PIGS: variants seen among roughly 807,000 people sequenced by gnomAD.
PIGS encodes the protein phosphatidylinositol glycan anchor biosynthesis class S.
In PIGS, 37 loss-of-function variants were observed where a neutral mutation model predicts 58.2. The observed-to-expected ratio is 0.64, with a 90% CI of 0.49 to 0.84. The LOEUF is 0.84. Among genes scored for constraint, PIGS ranks in the 40% least tolerant of loss-of-function variants. PIGS has a pLI of 0.00. For synonymous variants in PIGS, 269 were observed against 289.2 expected (o/e 0.93, Z 0.71); for missense variants, 629 against 710.8 (o/e 0.88, Z 1.31).
At position 28,556,863 on chromosome 17, in the gene PIGS, G is replaced by T. The variant is rs747526728; in HGVS notation, c.1044C>A (p.Thr348=). ...CCCAGCGGGGACTATGGAAGGCATT[G>T]GTGGCCACTGGAGCGCCATCCTTGT... ...IQDKDGAPVA[T]NAFHSPRWGG... Residue 348 remains threonine (T), a synonymous_variant, in exon 9 of 12, where the codon ACC becomes ACA. Coordinates refer to ENST00000308360, the MANE Select transcript of PIGS (RefSeq NM_033198.4). The T allele has an allele frequency of 5.0e-6, 8 of 1,614,146 alleles. No homozygotes were observed. The Admixed American group carries it at 1.3e-4, about 27-fold the overall frequency.
intron 3 of PIGS, among the ~76,000 whole-genome samples, chr17:28,569,324 G>C (rs949411418): frequency 8.6e-5 from 13 of 151,602 alleles, no homozygotes; most frequent in African/African-American, 3.2e-4. Context: ...AAACAAATCA[G>C]CTGGGTGTGA....
chr17:28,564,007 G>A (rs2151513662), intron 3 of PIGS, 100 bp from the exon 4 acceptor site: 1 of 1,015,498 alleles, frequency 9.8e-7, no homozygotes, highest in Non-Finnish European at 1.5e-6. Context: ...ACAGCAAGAT[G>A]GCTGTTTACA....
rs371988281 is a variant in PIGS, at chr17:28,553,639, G to GACACACACAC, written c.*571_*580dup. 0.038 allele frequency: 5,452 copies of GACACACACAC among 144,488 alleles called. 213 individuals are homozygous for GACACACACAC. Among genetic ancestry groups the GACACACACAC allele is most frequent in the African/African-American group, 0.09 (3,442 of 38,448 alleles). The allele number at this position is 144,488 out of a possible 1,614,324, so 9.0% of individuals were successfully genotyped here. ...AAATCTGGAACTTTCTGGAACCTCT[G>GACACACACAC]ACACACACACACACACACACACACA... On this transcript the variant is annotated 3_prime_UTR_variant, in exon 12 of 12. Coordinates refer to ENST00000308360, the MANE Select transcript of PIGS (RefSeq NM_033198.4).
At chr17:28,564,031 C>T in intron 3 of PIGS, 124 bp from the exon 4 acceptor site, 1 of 749,826 alleles carries the variant, frequency 1.3e-6, no homozygotes, top group Non-Finnish European at 2.2e-6. Flanking sequence ...AAAGACCAAG[C>T]AGCTGCAGCC....
At chr17:28,557,405 T>C (rs1002889512) in intron 8 of PIGS, 2 of 173,144 alleles carry the variant, frequency 1.2e-5, no homozygotes, top group Non-Finnish European at 2.4e-5. Flanking sequence ...GGCTCCTGCC[T>C]GCCTAACCGG....
chr17:28,564,187 C>CA (rs2070381974), intron 3 of PIGS, among the ~76,000 whole-genome samples: 1 of 152,230 alleles, frequency 6.6e-6, no homozygotes, highest in Non-Finnish European at 1.5e-5. Flanking sequence ...ATAGTCATTA[C>CA]ATTAATAGGC....
chr17:28,562,139 T>C (rs1330414101), intron 5 of PIGS, among the ~76,000 whole-genome samples: 1 of 152,164 alleles, frequency 6.6e-6, no homozygotes, highest in Non-Finnish European at 1.5e-5. Context: ...CTCTGCCACA[T>C]GAAGGGAATA....
At chr17:28,555,147 G>T in intron 10 of PIGS, 86 bp from the exon 11 acceptor site, 2 of 1,293,102 alleles carry the variant, frequency 1.5e-6, no homozygotes, top group Non-Finnish European at 1.1e-6. Context: ...TCTGTCCTGA[G>T]CCAGTGATTT....
Position 28,554,366 on chromosome 17 carries a change from G to A in PIGS, c.1522C>T (p.Leu508Phe). Residue 508 changes from leucine (L) to phenylalanine (F), a missense_variant, in exon 12 of 12, where the codon CTC becomes TTC. Transcript: ENST00000308360. The stretch of plus-strand genomic sequence containing the variant: ...TCATCAGGGAAATAAAGGAGGTGGA[G>A]GAGTGACGGGTCAAAGAAGGCAAGC... ...SELAFFDPSL[L>F]HLLYFPDDQK... 6.2e-7 allele frequency: 1 copy of A among 1,614,204 alleles called. No homozygotes were observed. Among genetic ancestry groups the A allele is most frequent in the Non-Finnish European group, 8.5e-7 (1 of 1,180,036 alleles).
In PIGS at chr17:28,555,076, G is replaced by C; in HGVS notation, c.1182-15C>G. The C allele has an allele frequency of 1.2e-6, 2 of 1,603,898 alleles. No individual in the cohort carries two copies. Among genetic ancestry groups the C allele is most frequent in the Non-Finnish European group, 1.7e-6 (2 of 1,173,624 alleles). On this transcript the variant is annotated splice_polypyrimidine_tract_variant and intron_variant, in intron 10 of 11. Coordinates refer to ENST00000308360, the MANE Select transcript of PIGS (RefSeq NM_033198.4). ...CAAAGAGCAACCTGTAGGAACATCG[G>C]AGTAAGATCAAGGTGGCTGAGACCA...
At chr17:28,564,129 C>T (rs1947036917) in intron 3 of PIGS, among the ~76,000 whole-genome samples, 1 of 152,240 alleles carries the variant, frequency 6.6e-6, no homozygotes, top group Non-Finnish European at 1.5e-5. Flanking sequence ...CCTCTGCACA[C>T]ACTGGTCCTT....
chr17:28,561,656 G>C (rs2070365545), intron 5 of PIGS, 27 bp from the exon 6 acceptor site: 1 of 1,590,194 alleles, frequency 6.3e-7, no homozygotes, highest in Non-Finnish European at 8.6e-7. Context: ...GAGACAGAAT[G>C]CCCATGGCTC....
chr17:28,561,501 C>G lies in PIGS; in HGVS notation c.597G>C (p.Val199=). ...GGTGGTCAGCCAGAGCAGCAGCAAG[C>G]ACATCCTCAGTCAAAGACATGGCCT... ...VAQAMSLTED[V]LAAALADHLP... The change falls in exon 6 of 12, where the codon GTG becomes GTC. Residue 199 remains valine (V), a synonymous_variant. Coordinates refer to ENST00000308360, the MANE Select transcript of PIGS (RefSeq NM_033198.4). 1 of 1,614,124 alleles carries G rather than the reference C, an allele frequency of 6.2e-7. No homozygotes were observed.
At position 28,570,838 on chromosome 17, in the gene PIGS, C is replaced by T; in HGVS notation, c.286+14G>A. On this transcript the variant is annotated intron_variant, in intron 3 of 11. Transcript: ENST00000308360. ...CTCAGAGGCGAAAAGCAGCCCTGAT[C>T]CCCAGTAACTCACATTTCAGAGGAA... is the stretch of plus-strand genomic sequence containing the variant. The T allele has an allele frequency of 6.2e-7, 1 of 1,613,788 alleles. No individual in the cohort carries two copies. The highest frequency in any genetic ancestry group is 8.5e-7 in the Non-Finnish European group (1 of 1,179,670).
At chr17:28,560,945 C>T (rs550506432) in intron 6 of PIGS, among the ~76,000 whole-genome samples, 1 of 151,868 alleles carries the variant, frequency 6.6e-6, no homozygotes, top group African/African-American at 2.4e-5. Flanking sequence ...CAGAGCAAGA[C>T]TCTGTCTCAA....
chr17:28,562,848 G>A (rs1281264585), intron 5 of PIGS, among the ~76,000 whole-genome samples: 1 of 151,826 alleles, frequency 6.6e-6, no homozygotes, highest in Non-Finnish European at 1.5e-5. Context: ...AAGTAACAGG[G>A]ACTACCACAT....
Position 28,563,425 on chromosome 17 carries a change from C to A in PIGS, c.468+6G>T. On this transcript the variant is annotated splice_donor_region_variant and intron_variant, in intron 5 of 11. Coordinates refer to ENST00000308360, the MANE Select transcript of PIGS (RefSeq NM_033198.4). ...AGGCAAAGTCGCAGCCTCTCTGTTA[C>A]CTTACCTGGGGAAGAAGTGAGGAGT... is the stretch of plus-strand genomic sequence containing the variant. 1 of 1,613,182 alleles carries A rather than the reference C, an allele frequency of 6.2e-7. No homozygotes were observed. Among genetic ancestry groups the A allele is most frequent in the Non-Finnish European group, 8.5e-7 (1 of 1,179,106 alleles).
At chr17:28,570,663 G>T (rs1437415186) in intron 3 of PIGS, among the ~76,000 whole-genome samples, 189 bp downstream of exon 3, 1 of 152,152 alleles carries the variant, frequency 6.6e-6, no homozygotes, top group East Asian at 1.9e-4. Flanking sequence ...CCTGTCTTAC[G>T]AGTAAAATTG....
chr17:28,571,512 C>T lies in PIGS; in HGVS notation c.-16G>A, dbSNP rs1480641042. 6.3e-7 allele frequency: 1 copy of T among 1,599,618 alleles called. No homozygotes were observed. The highest frequency in any genetic ancestry group is 1.7e-5 in the Admixed American group (1 of 58,408). On this transcript the variant is annotated 5_prime_UTR_variant, in exon 1 of 12. Transcript: ENST00000308360. ...CGGCCGCCATGCTAGCTTCCGGCTG[C>T]TCCGGCCACCGTGGGGGCAGAGCTT... is the stretch of plus-strand genomic sequence containing the variant.
Sources: allele counts gnomAD v4.1 joint callset (sites outside exome capture counted in the v4.1 genomes callset), GRCh38; gene constraint gnomAD v4.1.1; transcripts MANE v1.5; gene names NCBI Gene and HGNC (gene_info 2026-07-23, HGNC 2026-07-21).